The following KBTBD12 variants were observed in gnomAD, a reference collection of about 807,000 sequenced individuals.
KBTBD12 encodes the protein kelch repeat and BTB domain containing 12, also known as kelch repeat and BTB domain-containing protein 12.
Under a neutral mutation model 58.7 loss-of-function variants are expected in KBTBD12, and 53 were observed. The ratio of observed to expected loss-of-function variants is 0.90; its 90% confidence interval spans 0.72 to 1.14. The LOEUF is 1.14. Among genes scored for constraint, KBTBD12 ranks in the 50% most tolerant of loss-of-function variants. The pLI is 0.00. For synonymous variants in KBTBD12, 236 were observed against 259.8 expected, an observed-to-expected ratio of 0.91 and a Z score of 0.88; for missense variants, 704 against 751.3, an observed-to-expected ratio of 0.94 and a Z score of 0.74.
intron 4 of KBTBD12, among the ~76,000 whole-genome samples, chr3:127,941,112 G>A (rs1052926459): frequency 7.9e-5 from 12 of 152,136 alleles, no homozygotes; most frequent in Admixed American, 6.5e-4. Context: ...ATTTAACCAA[G>A]CATTTAAAAA....
At chr3:127,953,696 G>A (rs1415986923) in intron 4 of KBTBD12, among the ~76,000 whole-genome samples, 1 of 152,332 alleles carries the variant, frequency 6.6e-6, no homozygotes, top group South Asian at 2.1e-4. Flanking sequence ...CTGGAATTAT[G>A]GCAAACTAGC....
At chr3:127,974,312 TAA>T (rs1940737856) in intron 5 of KBTBD12, among the ~76,000 whole-genome samples, 3 of 152,212 alleles carry the variant, frequency 2.0e-5, no homozygotes, top group Admixed American at 6.5e-5. Context: ...TTTCTCCTCC[TAA>T]GTCTGTCTCA....
rs376252992 is a variant in KBTBD12 at position 127,984,608 on chromosome 3, C to T, written c.*330C>T. On this transcript the variant is annotated 3_prime_UTR_variant, in exon 6 of 6. Coordinates refer to ENST00000405109, the MANE Select transcript of KBTBD12 (RefSeq NM_207335.4). ...CCAAGGAGCAGACCTTTTATTGGGT[C>T]CCCAAAAGGATGAGGAGGAAGTGGT... 3 of 190,424 alleles carry T rather than the reference C, an allele frequency of 1.6e-5. No individual in the cohort carries two copies. The highest frequency in any genetic ancestry group is 1.4e-4 in the East Asian group (1 of 7,328). 11.8% of individuals were successfully genotyped at this position (190,424 alleles called of 1,614,324 possible).
chr3:127,923,375 C>T lies in KBTBD12; in HGVS notation c.314C>T (p.Ala105Val). The T allele has an allele frequency of 6.2e-7, 1 of 1,613,732 alleles. No individual in the cohort carries two copies. Among genetic ancestry groups the T allele is most frequent in the Non-Finnish European group, 8.5e-7 (1 of 1,179,798 alleles). The change falls in exon 2 of 6, where the codon GCT (alanine) becomes GTT (valine). Residue 105 changes from alanine to valine, a missense_variant. By Grantham distance (64) the Ala-to-Val change is moderately conservative. Coordinates refer to ENST00000405109, the MANE Select transcript of KBTBD12 (RefSeq NM_207335.4). ...EINNANVQTV[A>V]MAAYFMQMEE... The stretch of plus-strand genomic sequence containing the variant: ...AATAATGCCAATGTACAGACTGTAG[C>T]TATGGCTGCCTATTTTATGCAGATG...
At chr3:127,920,577 A>G (rs139785292) in intron 1 of KBTBD12, among the ~76,000 whole-genome samples, 9 of 152,278 alleles carry the variant, frequency 5.9e-5, no homozygotes, top group African/African-American at 2.2e-4. Context: ...GTCATATATC[A>G]ACCATTATTT....
At chr3:127,983,404 G>C (rs748377721) in intron 5 of KBTBD12, among the ~76,000 whole-genome samples, 1 of 152,150 alleles carries the variant, frequency 6.6e-6, no homozygotes, top group Non-Finnish European at 1.5e-5. Context: ...CCCTCCCTTG[G>C]GGGTGAACTT....
intron 5 of KBTBD12, among the ~76,000 whole-genome samples, chr3:127,979,059 C>T (rs1940833098): frequency 6.6e-6 from 1 of 152,142 alleles, no homozygotes; most frequent in South Asian, 2.1e-4. Flanking sequence ...CAGAAGGTAG[C>T]CAGGAACTTG....
chr3:127,924,867 C>G (rs1384541020), intron 2 of KBTBD12, among the ~76,000 whole-genome samples: 2 of 152,134 alleles, frequency 1.3e-5, no homozygotes, highest in East Asian at 3.9e-4. Context: ...GGTTTATTTA[C>G]TGTTTATTCA....
rs1940932245 is a variant in KBTBD12 at position 127,984,490 on chromosome 3, G to C, written c.*212G>C. 2.1e-6 allele frequency: 1 copy of C among 482,104 alleles called. No individual in the cohort carries two copies. Among genetic ancestry groups the C allele is most frequent in the Non-Finnish European group, 3.7e-6 (1 of 269,294 alleles). 29.9% of individuals were successfully genotyped at this position (482,104 alleles called of 1,614,324 possible). A position where few individuals can be genotyped will look rare whatever the true frequency, so the allele number is the denominator to read the frequency against. Reference sequence around the variant, plus strand: ...GATAGGGTAAATAAGACACTACAAAGAAGAGGTGATGACGGCCACAGGAGG... The same window carrying C: ...GATAGGGTAAATAAGACACTACAAACAAGAGGTGATGACGGCCACAGGAGG... On this transcript the variant is annotated 3_prime_UTR_variant, in exon 6 of 6. Transcript: ENST00000405109.
chr3:127,950,552 A>G (rs1940181183), intron 4 of KBTBD12, among the ~76,000 whole-genome samples: 1 of 152,192 alleles, frequency 6.6e-6, no homozygotes, highest in Non-Finnish European at 1.5e-5. Flanking sequence ...TGACTCAACT[A>G]ATACTTTGTT....
chr3:127,944,364 GT>G (rs1436563663), intron 4 of KBTBD12, among the ~76,000 whole-genome samples: 1 of 151,780 alleles, frequency 6.6e-6, no homozygotes, highest in African/African-American at 2.4e-5. Context: ...TTTCATCAGT[GT>G]TTTATAAAGT....
chr3:127,952,962 C>A lies in KBTBD12; in HGVS notation c.1493-10227C>A, dbSNP rs557829996. 2.6e-5 allele frequency among the ~76,000 whole-genome samples: 4 copies of A among 152,296 alleles called. No homozygotes were observed. The East Asian group carries it at 7.7e-4, about 29-fold the overall frequency. On this transcript the variant is annotated intron_variant, in intron 4 of 5. Coordinates refer to ENST00000405109, the MANE Select transcript of KBTBD12 (RefSeq NM_207335.4). ...CAGAAAGGAAAGGTCCTTCTGCAGA[C>A]CAATCTTATCTCTGCAACTTAATAG...
intron 1 of KBTBD12, among the ~76,000 whole-genome samples, chr3:127,921,171 T>A (rs1278857003): frequency 1.3e-5 from 2 of 152,164 alleles, no homozygotes; most frequent in Non-Finnish European, 2.9e-5. Context: ...CTGAATATTC[T>A]TATGGAATTC....
chr3:127,972,604 TTAGAATG>T (rs1940705471), intron 5 of KBTBD12, among the ~76,000 whole-genome samples: 1 of 152,182 alleles, frequency 6.6e-6, no homozygotes, highest in South Asian at 2.1e-4. Context: ...AGCTAGCTGC[TTAGAATG>T]TAGTTGTGCT....
intron 4 of KBTBD12, among the ~76,000 whole-genome samples, chr3:127,946,851 T>C (rs1940094190): frequency 6.6e-6 from 1 of 152,234 alleles, no homozygotes; most frequent in Non-Finnish European, 1.5e-5. Context: ...TGAATATTTT[T>C]TATTGAACTA....
At chr3:127,934,160 A>G (rs992167202) in intron 4 of KBTBD12, among the ~76,000 whole-genome samples, 2 of 152,202 alleles carry the variant, frequency 1.3e-5, no homozygotes, top group East Asian at 1.9e-4. Flanking sequence ...CAAAGTGACT[A>G]TCAAATATAT....
At chr3:127,979,413 C>G (rs555104618) in intron 5 of KBTBD12, among the ~76,000 whole-genome samples, 2 of 152,244 alleles carry the variant, frequency 1.3e-5, no homozygotes, top group East Asian at 1.9e-4. Flanking sequence ...ATGGATAAAT[C>G]CGCAAAATTT....
At chr3:127,952,097 T>A (rs1223832908) in intron 4 of KBTBD12, among the ~76,000 whole-genome samples, 2 of 152,224 alleles carry the variant, frequency 1.3e-5, no homozygotes, top group Non-Finnish European at 2.9e-5. Flanking sequence ...CTTTGCCTTG[T>A]GAAAGAGTTC....
Position 127,963,368 on chromosome 3 carries a change from G to C in KBTBD12, c.1672G>C (p.Gly558Arg). ...AGTGGATGGGAAACTCTATGTCTGC[G>C]GGGGATTCCATGGAGCAGGTATGGG... is the stretch of plus-strand genomic sequence containing the variant. ...GAVDGKLYVCGGFHGADRHEV... is the reference protein window; with the variant it reads ...GAVDGKLYVCRGFHGADRHEV... The change falls in exon 5 of 6, where the codon GGG (glycine) becomes CGG (arginine). Residue 558 changes from glycine to arginine, a missense_variant. Transcript: ENST00000405109. 3 of 1,609,994 alleles carry C rather than the reference G, an allele frequency of 1.9e-6. No homozygotes were observed. Among genetic ancestry groups the C allele is most frequent in the Non-Finnish European group, 2.5e-6 (3 of 1,178,210 alleles).
Sources: gnomAD v4.1 joint callset for allele counts (sites outside exome capture counted in the v4.1 genomes callset) on GRCh38, gnomAD v4.1.1 for gene constraint, MANE v1.5 for transcripts, NCBI Gene and HGNC (gene_info 2026-07-23, HGNC 2026-07-21) for gene names.